The following GPR141 variants were observed in gnomAD, a reference collection of about 807,000 sequenced individuals.
GPR141 encodes the protein G protein-coupled receptor 141.
In GPR141, 6 loss-of-function variants were observed where a neutral mutation model predicts 6.8. The ratio of observed to expected loss-of-function variants is 0.88; its 90% CI spans 0.48 to 1.74. The LOEUF (loss-of-function observed/expected upper bound fraction) is 1.74, where lower values mean the gene tolerates loss of function less well. Ranked by LOEUF, GPR141 falls within the 40% of genes most tolerant of loss-of-function variation. The pLI is 0.01. For synonymous variants in GPR141, 140 were observed against 142.3 expected (o/e 0.98, Z 0.11); for missense variants, 372 against 372.9 (o/e 1.00, Z 0.02).
chr7:37,737,880 T>C (rs547729315), intron 2 of GPR141, among the ~76,000 whole-genome samples: 3 of 152,318 alleles, frequency 2.0e-5, no homozygotes, highest in African/African-American at 7.2e-5. Context: ...TGGGATTGAC[T>C]ATAAGCCTAG....
At chr7:37,712,865 A>G (rs2597274) in intron 2 of GPR141, among the ~76,000 whole-genome samples, 112,726 of 152,118 alleles carry the variant, frequency 0.74, 42,015 homozygotes, top group East Asian at 0.88. Context: ...TGCAGAGCTC[A>G]GCTGGGCCTG....
Position 37,742,902 on chromosome 7 carries a change from G to A in GPR141, c.*1591G>A, listed in dbSNP as rs1044619918. ...TAATATGGATTTTCTTTCCAAATTC[G>A]GAATTACTTTTTGTAAAATTGTATT... On this transcript the variant is annotated 3_prime_UTR_variant, in exon 3 of 3. Transcript: ENST00000334425. Among the ~76,000 whole-genome samples, 6 of 151,894 alleles carry A rather than the reference G, an allele frequency of 4.0e-5. No individual in the cohort carries two copies. Among genetic ancestry groups the A allele is most frequent in the South Asian group, 2.1e-4 (1 of 4,818 alleles).
intron 2 of GPR141, among the ~76,000 whole-genome samples, chr7:37,722,279 T>C (rs1400886699): frequency 6.6e-6 from 1 of 152,202 alleles, no homozygotes; most frequent in African/African-American, 2.4e-5. Context: ...GATGAGATGT[T>C]ATACGGTCGT....
intron 2 of GPR141, among the ~76,000 whole-genome samples, chr7:37,723,875 T>A (rs1266808450): frequency 6.6e-6 from 1 of 152,240 alleles, no homozygotes; most frequent in African/African-American, 2.4e-5. Flanking sequence ...AAGATTTCTT[T>A]GAAGCAAAAT....
intron 2 of GPR141, among the ~76,000 whole-genome samples, chr7:37,709,327 CTATTT>C (rs1399812878): frequency 6.6e-6 from 1 of 152,210 alleles, no homozygotes; most frequent in Middle Eastern, 3.4e-3. Flanking sequence ...CAGAAATTTT[CTATTT>C]TATTTAATAT....
chr7:37,734,749 C>T (rs1349994013), intron 2 of GPR141, among the ~76,000 whole-genome samples: 1 of 151,984 alleles, frequency 6.6e-6, no homozygotes, highest in Non-Finnish European at 1.5e-5. Context: ...AGAAAACTTC[C>T]CTAAAGAACT....
chr7:37,702,753 A>AATAC (rs1406981126), intron 2 of GPR141, among the ~76,000 whole-genome samples: 1 of 148,790 alleles, frequency 6.7e-6, no homozygotes, highest in African/African-American at 2.4e-5. Flanking sequence ...TAAATAAATA[A>AATAC]ATAAATAAAA....
intron 2 of GPR141, among the ~76,000 whole-genome samples, chr7:37,731,941 A>T (rs1811966291): frequency 6.6e-6 from 1 of 152,104 alleles, no homozygotes; most frequent in African/African-American, 2.4e-5. Flanking sequence ...ATTACATGAG[A>T]TGAAGTGGTC....
chr7:37,687,370 A>G (rs186184797), intron 2 of GPR141, among the ~76,000 whole-genome samples: 1 of 152,118 alleles, frequency 6.6e-6, no homozygotes, highest in Non-Finnish European at 1.5e-5. Context: ...CATGCCTGAG[A>G]CATCCTTATT....
intron 2 of GPR141, among the ~76,000 whole-genome samples, chr7:37,731,497 G>T (rs889945020): frequency 5.3e-5 from 8 of 152,250 alleles, no homozygotes; most frequent in African/African-American, 1.7e-4. Context: ...AGGCTGGAGT[G>T]CAATGGCAGG....
At position 37,741,473 on chromosome 7, in the gene GPR141, G is replaced by A. The variant is rs1812561323; in HGVS notation, c.*162G>A. 1 of 577,806 alleles carries A rather than the reference G, an allele frequency of 1.7e-6. No homozygotes were observed. Among genetic ancestry groups the A allele is most frequent in the Non-Finnish European group, 3.0e-6 (1 of 332,114 alleles). The allele number at this position is 577,806 out of a possible 1,614,324, so 35.8% of individuals were successfully genotyped here. ...AGAGCCCTCATTGTAGTCCTTATGG[G>A]ATCCCTCCCATCTCTGAGTGATGGC... On this transcript the variant is annotated 3_prime_UTR_variant, in exon 3 of 3. Coordinates refer to ENST00000334425, the MANE Select transcript of GPR141 (RefSeq NM_001381946.1).
At chr7:37,708,323 A>AAAC in intron 2 of GPR141, among the ~76,000 whole-genome samples, 1 of 150,906 alleles carries the variant, frequency 6.6e-6, no homozygotes, top group Non-Finnish European at 1.5e-5. Flanking sequence ...AAAAAAAAAA[A>AAAC]AAAAAAAAAA....
At chr7:37,711,355 G>C (rs963076785) in intron 2 of GPR141, among the ~76,000 whole-genome samples, 6 of 152,144 alleles carry the variant, frequency 3.9e-5, no homozygotes, top group Non-Finnish European at 7.4e-5. Flanking sequence ...ACAGCTAACG[G>C]GAGCATCTTC....
intron 2 of GPR141, among the ~76,000 whole-genome samples, chr7:37,723,656 C>T (rs1011334497): frequency 6.6e-6 from 1 of 152,182 alleles, no homozygotes; most frequent in Non-Finnish European, 1.5e-5. Context: ...TTGTTGGATA[C>T]CACGTTTTGC....
chr7:37,697,690 C>T (rs1002014397), intron 2 of GPR141, among the ~76,000 whole-genome samples: 1 of 152,180 alleles, frequency 6.6e-6, no homozygotes, highest in Non-Finnish European at 1.5e-5. Context: ...AAAATTGACA[C>T]TCAGGCACAT....
intron 2 of GPR141, among the ~76,000 whole-genome samples, chr7:37,710,374 C>T (rs1205687770): frequency 6.6e-6 from 1 of 152,158 alleles, no homozygotes; most frequent in Admixed American, 6.6e-5. Context: ...TTTACTCTGT[C>T]TCCCCTCCAA....
intron 2 of GPR141, among the ~76,000 whole-genome samples, chr7:37,691,287 CCTTTTTTTTTT>C (rs1298826171): frequency 0.11 from 10,022 of 93,732 alleles, 727 homozygotes; most frequent in African/African-American, 0.21. Flanking sequence ...CAGTCTATAT[CCTTTTTTTTTT>C]TTTTTTTTTT....
At position 37,710,184 on chromosome 7, in the gene GPR141, A is replaced by G. The variant is rs138431602; in HGVS notation, c.-15+24601A>G. 7.6e-3 allele frequency among the ~76,000 whole-genome samples: 1,146 copies of G among 151,716 alleles called. 18 individuals are homozygous for G. The highest frequency in any genetic ancestry group is 0.026 in the African/African-American group (1,074 of 41,348). On this transcript the variant is annotated intron_variant, in intron 2 of 2. Transcript: ENST00000334425. Reference sequence around the variant, plus strand: ...AGAACTATCTTTTGTTATTGTTTGGATTTTTTTTCTTTTGGGTATTTTTTT... The same window carrying G: ...AGAACTATCTTTTGTTATTGTTTGGGTTTTTTTTCTTTTGGGTATTTTTTT...
intron 2 of GPR141, among the ~76,000 whole-genome samples, chr7:37,696,229 C>T (rs971644525): frequency 2.6e-5 from 4 of 152,156 alleles, no homozygotes; most frequent in African/African-American, 9.7e-5. Context: ...TTTTGCCCAA[C>T]TGTAGGTTAA....
Sources: allele counts gnomAD v4.1 joint callset (sites outside exome capture counted in the v4.1 genomes callset), GRCh38; gene constraint gnomAD v4.1.1; transcripts MANE v1.5; gene names NCBI Gene and HGNC (gene_info 2026-07-23, HGNC 2026-07-21).